Variants in NXPE2 observed in about 807,000 individuals in gnomAD.
The protein encoded by NXPE2 is NXPE family member 2.
In NXPE2, 34 loss-of-function variants were observed where a neutral mutation model predicts 34.4. The ratio of observed to expected loss-of-function variants is 0.99; its 90% CI spans 0.75 to 1.31. The LOEUF is 1.31. Among genes scored for constraint, NXPE2 ranks in the 40% most tolerant of loss-of-function variants. The pLI, the probability that NXPE2 is intolerant of heterozygous loss-of-function variation, is 0.00. For synonymous variants in NXPE2, 235 were observed against 231.3 expected, an observed-to-expected ratio of 1.02 and a Z score of -0.15; for missense variants, 649 against 672.5, an observed-to-expected ratio of 0.97 and a Z score of 0.39.
chr11:114,703,431 A>C (rs1266556398), intron 3 of NXPE2, among the ~76,000 whole-genome samples: 1 of 152,194 alleles, frequency 6.6e-6, no homozygotes, highest in Non-Finnish European at 1.5e-5. Flanking sequence ...TAGAAATCCA[A>C]ATTCTTGAGA....
At chr11:114,577,341 C>T in the NXPE2 span, among the ~76,000 whole-genome samples, 1 of 151,752 alleles carries the variant, frequency 6.6e-6, no homozygotes, top group African/African-American at 2.4e-5. Context: ...TATGTGGGAA[C>T]TAAGCTATGA....
chr11:114,747,026 T>C, the NXPE2 span, among the ~76,000 whole-genome samples: 1 of 152,280 alleles, frequency 6.6e-6, no homozygotes, highest in East Asian at 1.9e-4. Context: ...TTTGGCTAAT[T>C]TGTAGTAGTG....
the NXPE2 span, among the ~76,000 whole-genome samples, chr11:114,741,182 T>C: frequency 6.6e-6 from 1 of 152,174 alleles, no homozygotes; most frequent in East Asian, 1.9e-4. Context: ...TTCCTGCTGA[T>C]GTATCTGCTG....
At chr11:114,761,281 C>T in the NXPE2 span, among the ~76,000 whole-genome samples, 1 of 152,082 alleles carries the variant, frequency 6.6e-6, no homozygotes, top group Non-Finnish European at 1.5e-5. Flanking sequence ...ATTTTGTGGC[C>T]TTTATTAGGA....
At chr11:114,568,830 A>T in the NXPE2 span, among the ~76,000 whole-genome samples, 1 of 152,202 alleles carries the variant, frequency 6.6e-6, no homozygotes, top group African/African-American at 2.4e-5. Flanking sequence ...TGACTTTATC[A>T]TGAACTGTGG....
At chr11:114,469,109 C>CTTTTTTTTTTTT in the NXPE2 span, among the ~76,000 whole-genome samples, 55 of 88,874 alleles carry the variant, frequency 6.2e-4, 4 homozygotes, top group Admixed American at 1.0e-3. Context: ...ACAGTGCTAG[C>CTTTTTTTTTTTT]TTTTTTTTTT....
At chr11:114,686,054 A>C (rs1050387293) in intron 2 of NXPE2, among the ~76,000 whole-genome samples, 5 of 152,112 alleles carry the variant, frequency 3.3e-5, no homozygotes, top group African/African-American at 1.2e-4. Context: ...AGATGTTACC[A>C]TTGAAAAAAA....
the NXPE2 span, among the ~76,000 whole-genome samples, chr11:114,492,227 A>G: frequency 2.0e-5 from 3 of 152,094 alleles, no homozygotes; most frequent in East Asian, 5.8e-4. Flanking sequence ...TTTTTGTTTG[A>G]ATTTTATTTC....
the NXPE2 span, among the ~76,000 whole-genome samples, chr11:114,660,108 T>A: frequency 4.2e-4 from 64 of 152,140 alleles, 1 homozygote; most frequent in Non-Finnish European, 7.4e-4. Flanking sequence ...ATAGATAACC[T>A]GAAAATTCTA....
chr11:114,592,976 C>G, the NXPE2 span, among the ~76,000 whole-genome samples: 1 of 151,946 alleles, frequency 6.6e-6, no homozygotes, highest in South Asian at 2.1e-4. Context: ...TATCCATATG[C>G]AAAAGAATGA....
the NXPE2 span, among the ~76,000 whole-genome samples, chr11:114,762,255 C>T: frequency 1.3e-5 from 2 of 152,096 alleles, no homozygotes; most frequent in African/African-American, 4.8e-5. Flanking sequence ...ATGCTTGTCC[C>T]GGGGCTTGTC....
At chr11:114,742,441 G>T in the NXPE2 span, among the ~76,000 whole-genome samples, 1 of 152,068 alleles carries the variant, frequency 6.6e-6, no homozygotes, top group African/African-American at 2.4e-5. Flanking sequence ...AAAGAAGTGG[G>T]CCTCTTGGGA....
At chr11:114,614,081 G>A in the NXPE2 span, among the ~76,000 whole-genome samples, 27,189 of 151,236 alleles carry the variant, frequency 0.18, 2,810 homozygotes, top group Non-Finnish European at 0.22. Context: ...CATAACCACT[G>A]ATACCTGGTT....
At chr11:114,556,291 A>G in the NXPE2 span, among the ~76,000 whole-genome samples, 1 of 152,214 alleles carries the variant, frequency 6.6e-6, no homozygotes. Flanking sequence ...CTCAAAACCT[A>G]CAAACTCTGT....
chr11:114,755,012 T>C, the NXPE2 span, among the ~76,000 whole-genome samples: 1 of 152,170 alleles, frequency 6.6e-6, no homozygotes, highest in African/African-American at 2.4e-5. Context: ...TTGCGATCTA[T>C]GAGATTTTTG....
At chr11:114,517,738 C>T in the NXPE2 span, 2 of 152,212 alleles carry the variant, frequency 1.3e-5, no homozygotes, top group African/African-American at 4.8e-5. Context: ...ATAGAGAAAC[C>T]AGAGGTTGGG....
the NXPE2 span, among the ~76,000 whole-genome samples, chr11:114,663,110 A>G: frequency 6.6e-6 from 1 of 152,098 alleles, no homozygotes; most frequent in South Asian, 2.1e-4. Flanking sequence ...CATTCACCAA[A>G]GGCTGACTGA....
chr11:114,475,842 A>G, the NXPE2 span, among the ~76,000 whole-genome samples: 2 of 152,276 alleles, frequency 1.3e-5, no homozygotes, highest in South Asian at 4.1e-4. Flanking sequence ...ACTTGGATTT[A>G]TTACCGGGAG....
At chr11:114,478,795 G>T in the NXPE2 span, among the ~76,000 whole-genome samples, 1 of 152,134 alleles carries the variant, frequency 6.6e-6, no homozygotes, top group African/African-American at 2.4e-5. Flanking sequence ...TTCAAATTCA[G>T]TTCTCTTTTA....
Sources: gnomAD v4.1 joint callset for allele counts (sites outside exome capture counted in the v4.1 genomes callset) on GRCh38, gnomAD v4.1.1 for gene constraint, MANE v1.5 for transcripts, NCBI Gene and HGNC (gene_info 2026-07-23, HGNC 2026-07-21) for gene names.